The following ITPR3 variants were observed in gnomAD, a reference collection of about 807,000 sequenced individuals.
The protein encoded by ITPR3 is inositol 1,4,5-trisphosphate-gated calcium channel ITPR3.
ITPR3 carries 173 observed loss-of-function variants against 293.2 expected under a neutral mutation model. The observed-to-expected ratio is 0.59, with a 90% CI of 0.52 to 0.67. ITPR3 has a LOEUF of 0.67. Ranked by LOEUF, ITPR3 falls within the 30% of genes least tolerant of loss-of-function variation. The probability of loss-of-function intolerance (pLI) is 0.00; values close to 1 mark genes in which losing one functional copy is unlikely to be tolerated. For synonymous variants in ITPR3, 1,295 were observed against 1,444.4 expected (o/e 0.90, Z 2.35); for missense variants, 2,796 against 3,592.1 (o/e 0.78, Z 5.66).
At chr6:33,637,787 A>G (rs570042206) in intron 1 of ITPR3, among the ~76,000 whole-genome samples, 1 of 146,956 alleles carries the variant, frequency 6.8e-6, no homozygotes, top group African/African-American at 2.5e-5. Flanking sequence ...GTGTGCCACC[A>G]CACCCGGCTA....
Position 33,675,431 on chromosome 6 carries a change from A to C in ITPR3, c.3117-260A>C. On this transcript the variant is annotated intron_variant, in intron 24 of 57. Transcript: ENST00000605930. The surrounding 1 kb of genome is among the most constrained non-coding windows in gnomAD (Gnocchi z 5.0). ...ACAGAGCAAGACTCTGTCTCAAAAA[A>C]AAAAAAAAAGAGTCCTTGCTTCAGT... is the stretch of plus-strand genomic sequence containing the variant. Among the ~76,000 whole-genome samples, 1 of 152,102 alleles carries C rather than the reference A, an allele frequency of 6.6e-6. No individual in the cohort carries two copies. Among genetic ancestry groups the C allele is most frequent in the East Asian group, 1.9e-4 (1 of 5,196 alleles).
rs960303180 is a variant in ITPR3, at chr6:33,654,883, C to A, written c.161-883C>A. On this transcript the variant is annotated intron_variant, in intron 2 of 57. Transcript: ENST00000605930. This position sits in a 1 kb window ranked among gnomAD's most constrained non-coding sequence, Gnocchi z 4.1. ...CCAGTCACCCACACCAGCCCCTCAC[C>A]AGCACCCAGAATCCTCCCTCCCCTC... 6.6e-6 allele frequency among the ~76,000 whole-genome samples: 1 copy of A among 152,206 alleles called. No homozygotes were observed. The highest frequency in any genetic ancestry group is 2.4e-5 in the African/African-American group (1 of 41,454).
intron 33 of ITPR3, 138 bp downstream of exon 33, chr6:33,680,818 A>AT: frequency 6.0e-6 from 5 of 837,614 alleles, no homozygotes; most frequent in South Asian, 2.3e-5. Context: ...TGTATTGGTT[A>AT]TCTTTTTTTT....
rs192837965 is a variant in ITPR3, at chr6:33,663,216, A to C, written c.954+210A>C. On this transcript the variant is annotated intron_variant, in intron 9 of 57. Coordinates refer to ENST00000605930, the MANE Select transcript of ITPR3 (RefSeq NM_002224.4). ...ACTGTGCTCCTACTATGTGCCAGGCACTATTCTAGGCACAGGGGATACAAA... is the reference window on the plus strand; with the variant it reads ...ACTGTGCTCCTACTATGTGCCAGGCCCTATTCTAGGCACAGGGGATACAAA... Among the ~76,000 whole-genome samples the C allele has an allele frequency of 3.6e-3, 548 of 152,340 alleles. 2 individuals are homozygous for C. The highest frequency in any genetic ancestry group is 0.012 in the African/African-American group (516 of 41,564).
chr6:33,690,013 A>T, intron 50 of ITPR3, 21 bp from the exon 51 acceptor site: 1 of 1,614,032 alleles, frequency 6.2e-7, no homozygotes, highest in Non-Finnish European at 8.5e-7. Context: ...GCTGACTCTC[A>T]TGCCTTGCAC....
intron 1 of ITPR3, among the ~76,000 whole-genome samples, chr6:33,630,346 G>T (rs1763646369): frequency 6.6e-6 from 1 of 152,172 alleles, no homozygotes; most frequent in African/African-American, 2.4e-5. Flanking sequence ...CTGAGGGTCT[G>T]CCCTGCTGAG....
At position 33,668,620 on chromosome 6, in the gene ITPR3, T is replaced by C. The variant is rs753967302; in HGVS notation, c.1992T>C (p.Ile664=). Residue 664 remains isoleucine (I), a synonymous_variant, in exon 17 of 58, where the codon ATT becomes ATC. Coordinates refer to ENST00000605930, the MANE Select transcript of ITPR3 (RefSeq NM_002224.4). ...KCVLDPKNSD[I]LIRTELRPVK... ...TGCTGGACCCCAAGAACAGTGACAT[T>C]CTCATCCGGACCGAGTGAGCCCTGT... 1.2e-6 allele frequency: 2 copies of C among 1,614,122 alleles called. No individual in the cohort carries two copies. Among genetic ancestry groups the C allele is most frequent in the Admixed American group, 1.7e-5 (1 of 60,012 alleles).
chr6:33,643,788 G>A (rs772853200), intron 2 of ITPR3, among the ~76,000 whole-genome samples: 4 of 152,158 alleles, frequency 2.6e-5, no homozygotes, highest in Non-Finnish European at 2.9e-5. Flanking sequence ...CCCTCCATTT[G>A]CATGACTGGA....
At chr6:33,631,171 C>T (rs963369080) in intron 1 of ITPR3, among the ~76,000 whole-genome samples, 4 of 152,190 alleles carry the variant, frequency 2.6e-5, no homozygotes, top group East Asian at 3.8e-4. Context: ...TCTAGCCCTA[C>T]GGGGCTTAGT....
rs1202896367 is a variant in ITPR3, at chr6:33,692,296, CCT to C, written c.7458+369_7458+370del. 3.9e-5 allele frequency among the ~76,000 whole-genome samples: 6 copies of C among 152,252 alleles called. No homozygotes were observed. In the South Asian group the frequency reaches 6.2e-4, roughly 16 times the overall value. Reference sequence around the variant, plus strand: ...CACATTCCCGAATGTCAGGCCTTCCCCTGTTGCTTGGGAGTGAGAGGCCGCCT... The same window carrying C: ...CACATTCCCGAATGTCAGGCCTTCCCGTTGCTTGGGAGTGAGAGGCCGCCT... On this transcript the variant is annotated intron_variant, in intron 54 of 57. Coordinates refer to ENST00000605930, the MANE Select transcript of ITPR3 (RefSeq NM_002224.4). This position sits in a 1 kb window ranked among gnomAD's most constrained non-coding sequence, Gnocchi z 4.2.
At chr6:33,663,923 A>G in intron 11 of ITPR3, 43 bp downstream of exon 11, 4 of 1,608,828 alleles carry the variant, frequency 2.5e-6, no homozygotes, top group African/African-American at 1.3e-5. Context: ...GGTGGTGCTC[A>G]GGGTGGGCCC....
chr6:33,682,513 ACTT>A lies in ITPR3; in HGVS notation c.4477-7_4477-5del. The A allele has an allele frequency of 6.6e-7, 1 of 1,506,320 alleles. No individual in the cohort carries two copies. The highest frequency in any genetic ancestry group is 8.9e-7 in the Non-Finnish European group (1 of 1,125,846). The allele number at this position is 1,506,320 out of a possible 1,614,324, so 93.3% of individuals were successfully genotyped here. A position where few individuals can be genotyped will look rare whatever the true frequency, so the allele number is the denominator to read the frequency against. On this transcript the variant is annotated splice_polypyrimidine_tract_variant and splice_region_variant and intron_variant, in intron 33 of 57. Coordinates refer to ENST00000605930, the MANE Select transcript of ITPR3 (RefSeq NM_002224.4). This position sits in a 1 kb window ranked among gnomAD's most constrained non-coding sequence, Gnocchi z 5.4. Reference sequence around the variant, plus strand: ...CTGGGCTGCAGCAGCGGGCTCTGTGACTTCTTGCAGACACACCAGACGATTGTG... The same window carrying A: ...CTGGGCTGCAGCAGCGGGCTCTGTGACTTGCAGACACACCAGACGATTGTG...
Position 33,670,278 on chromosome 6 carries a change from T to C in ITPR3, c.2190-47T>C. 1 of 1,608,930 alleles carries C rather than the reference T, an allele frequency of 6.2e-7. No homozygotes were observed. The highest frequency in any genetic ancestry group is 8.5e-7 in the Non-Finnish European group (1 of 1,176,892). ...AGTCTAGTGCCCAGTGCCAGCAGCC[T>C]CCCGGCTGCCATCTGCCGTGTCCTC... On this transcript the variant is annotated intron_variant, in intron 18 of 57. Coordinates refer to ENST00000605930, the MANE Select transcript of ITPR3 (RefSeq NM_002224.4). The surrounding 1 kb of genome is among the most constrained non-coding windows in gnomAD (Gnocchi z 6.7).
chr6:33,665,310 C>A, intron 13 of ITPR3, 97 bp downstream of exon 13: 4 of 1,486,864 alleles, frequency 2.7e-6, no homozygotes, highest in Non-Finnish European at 2.7e-6. Context: ...GCTGGGCAAA[C>A]TGGGGAGAGA....
chr6:33,686,063 G>A lies in ITPR3; in HGVS notation c.5678G>A (p.Arg1893His). The change falls in exon 42 of 58, where the codon CGC becomes CAC. Residue 1893 changes from arginine to histidine, a missense_variant. By Grantham distance (29) the Arg-to-His change is conservative (BLOSUM62 0). This residue lies in a region of ITPR3 where 704 missense variants were observed against 797.5 expected (regional missense o/e 0.88). Coordinates refer to ENST00000605930, the MANE Select transcript of ITPR3 (RefSeq NM_002224.4). ...NHNRDLQNFL[R>H]CQNNKTNYNL... is the part of the protein sequence containing the mutation. ...TTCTGTGCCCCGCAGAACTTCCTGC[G>A]CTGTCAGAACAACAAAACCAACTAC... 1.9e-6 allele frequency: 3 copies of A among 1,614,026 alleles called. No homozygotes were observed. The highest frequency in any genetic ancestry group is 2.5e-6 in the Non-Finnish European group (3 of 1,180,034).
Position 33,694,964 on chromosome 6 carries a change from C to A in ITPR3, c.7826C>A (p.Ser2609Tyr), listed in dbSNP as rs1316651640. The change falls in exon 57 of 58, where the codon TCC (serine) becomes TAC (tyrosine). Residue 2609 changes from serine (S) to tyrosine (Y), a missense_variant. Transcript: ENST00000605930. ...TGGTTCCCCCGGATGCGGGCCATGTCCCTTGTCAGCAATGAGGGCGAGGGG... is the reference window on the plus strand; with the variant it reads ...TGGTTCCCCCGGATGCGGGCCATGTACCTTGTCAGCAATGAGGGCGAGGGG... ...LDWFPRMRAMSLVSNEGEGEQ... is the reference protein window; with the variant it reads ...LDWFPRMRAMYLVSNEGEGEQ... The A allele has an allele frequency of 1.9e-6, 3 of 1,614,178 alleles. No homozygotes were observed. Among genetic ancestry groups the A allele is most frequent in the Non-Finnish European group, 2.5e-6 (3 of 1,180,042 alleles).
chr6:33,682,714 T>C lies in ITPR3; in HGVS notation c.4597+70T>C. 6.5e-7 allele frequency: 1 copy of C among 1,526,984 alleles called. No individual in the cohort carries two copies. The highest frequency in any genetic ancestry group is 2.4e-5 in the Admixed American group (1 of 42,404). 94.6% of individuals were successfully genotyped at this position (1,526,984 alleles called of 1,614,324 possible). Reference sequence around the variant, plus strand: ...CCGCTCACAGTGGGGACGCCTGCCCTCCTAATAAACACTTTATCCCTAAGC... The same window carrying C: ...CCGCTCACAGTGGGGACGCCTGCCCCCCTAATAAACACTTTATCCCTAAGC... On this transcript the variant is annotated intron_variant, in intron 34 of 57. Coordinates refer to ENST00000605930, the MANE Select transcript of ITPR3 (RefSeq NM_002224.4). The surrounding 1 kb of genome is among the most constrained non-coding windows in gnomAD (Gnocchi z 5.4).
intron 2 of ITPR3, among the ~76,000 whole-genome samples, chr6:33,651,837 T>A (rs111376454): frequency 6.6e-6 from 1 of 152,210 alleles, no homozygotes; most frequent in South Asian, 2.1e-4. Flanking sequence ...TGGAGCCTGG[T>A]ACCATGACCA....
Position 33,671,145 on chromosome 6 carries a change from C to G in ITPR3, c.2587-20C>G. ...CGCGCCGGCCCCTCCCACCTCACCT[C>G]GGCCACGCCCCCTTCGCAGGTGGTC... On this transcript the variant is annotated intron_variant, in intron 20 of 57. Transcript: ENST00000605930. The G allele has an allele frequency of 1.2e-6, 2 of 1,612,304 alleles. No homozygotes were observed. The highest frequency in any genetic ancestry group is 1.1e-5 in the South Asian group (1 of 90,952).
Sources: gnomAD v4.1 joint callset for allele counts (sites outside exome capture counted in the v4.1 genomes callset) on GRCh38, gnomAD v4.1.1 for gene constraint, gnomAD v4.1.1 regional missense constraint, Gnocchi (gnomAD v3.1) non-coding constraint, MANE v1.5 for transcripts, NCBI Gene and HGNC (gene_info 2026-07-23, HGNC 2026-07-21) for gene names.